Variants in KDM6A observed in about 807,000 individuals in gnomAD.
The protein encoded by KDM6A is lysine-specific demethylase 6A.
In KDM6A, 11 loss-of-function variants were observed where a neutral mutation model predicts 117.6. The observed-to-expected ratio is 0.09, with a 90% CI of 0.06 to 0.15. The LOEUF (loss-of-function observed/expected upper bound fraction) is 0.15. KDM6A is among the 10% of genes least tolerant of loss of function. The pLI is 1.00. For missense variants in KDM6A, 799 were observed against 1,077.3 expected, an observed-to-expected ratio of 0.74 and a Z score of 3.62; for synonymous variants, 384 against 396.1, an observed-to-expected ratio of 0.97 and a Z score of 0.36.
chrX:45,083,311 TA>T, intron 23 of KDM6A, 148 bp from the exon 24 acceptor site: 1 of 501,848 alleles, frequency 2.0e-6, no homozygotes, highest in Non-Finnish European at 3.2e-6. Flanking sequence ...TGGAAAAAAT[TA>T]AAAATTTAAG....
intron 7 of KDM6A, among the ~76,000 whole-genome samples, 170 bp downstream of exon 7, chrX:45,035,155 T>C (rs1297834590): frequency 8.9e-6 from 1 of 112,287 alleles, no homozygotes; most frequent in Non-Finnish European, 1.9e-5. Context: ...AGACCAGATA[T>C]TGTGAACAGC....
Position 44,965,714 on chromosome X carries a change from GATAACAA to G in KDM6A, c.334+4323_334+4329del, listed in dbSNP as rs2038973243. 2.7e-5 allele frequency among the ~76,000 whole-genome samples: 3 copies of G among 111,782 alleles called. No homozygotes were observed. In the South Asian group the frequency reaches 1.1e-3, roughly 42 times the overall value. On this transcript the variant is annotated intron_variant, in intron 3 of 29. Coordinates refer to ENST00000611820, the MANE Select transcript of KDM6A (RefSeq NM_001291415.2). Reference sequence around the variant, plus strand: ...TCGGTGATCACAGGTCATCATAACAGATAACAATAATAATGAAAATGTATGGAATATT... The same window carrying G: ...TCGGTGATCACAGGTCATCATAACAGTAATAATGAAAATGTATGGAATATT...
At chrX:45,029,205 C>T (rs955632894) in intron 6 of KDM6A, among the ~76,000 whole-genome samples, 4 of 111,087 alleles carry the variant, frequency 3.6e-5, no homozygotes, top group Admixed American at 9.7e-5. Context: ...GAGGCTGAGG[C>T]GGGTGGATTG....
At chrX:44,937,111 A>G (rs765327981) in intron 2 of KDM6A, among the ~76,000 whole-genome samples, 17 of 110,187 alleles carry the variant, frequency 1.5e-4, no homozygotes, top group South Asian at 3.9e-4. Context: ...TTGATGATAC[A>G]TTGACCCTTT....
At chrX:44,896,941 A>G (rs1473644414) in intron 2 of KDM6A, among the ~76,000 whole-genome samples, 1 of 109,480 alleles carries the variant, frequency 9.1e-6, no homozygotes, top group Non-Finnish European at 1.9e-5. Context: ...TTTAATTGTG[A>G]TGTATTGGTG....
In KDM6A at chrX:45,011,854, C is replaced by T. The variant is rs1043624081; in HGVS notation, c.443+835C>T. 3.7e-5 allele frequency among the ~76,000 whole-genome samples: 4 copies of T among 108,775 alleles called. No individual in the cohort carries two copies. The Admixed American group carries it at 3.9e-4, about 11-fold the overall frequency. 94.5% of individuals were successfully genotyped at this position (108,775 alleles called of 115,157 possible). On this transcript the variant is annotated intron_variant, in intron 5 of 29. Coordinates refer to ENST00000611820, the MANE Select transcript of KDM6A (RefSeq NM_001291415.2). ...AGGCTGGAGTGCAGTGGCGAGATTG[C>T]AGCTTACTGCAGTCTCAATCTATTG... is the stretch of plus-strand genomic sequence containing the variant.
chrX:44,966,766 G>C (rs1430261948), intron 3 of KDM6A, among the ~76,000 whole-genome samples: 1 of 110,440 alleles, frequency 9.1e-6, no homozygotes, highest in Non-Finnish European at 1.9e-5. Flanking sequence ...ATTTCAAGCT[G>C]GTGGTTTCTA....
Position 45,063,634 on chromosome X carries a change from C to T in KDM6A, c.1896C>T (p.Ser632=), listed in dbSNP as rs2147995249. 8.3e-7 allele frequency: 1 copy of T among 1,210,416 alleles called. No individual in the cohort carries two copies. The highest frequency in any genetic ancestry group is 1.1e-6 in the Non-Finnish European group (1 of 894,475). ...GPFSAGHVPC[S]TSRTLGSTDT... is the part of the protein sequence containing the mutation. ...TTTCTGCAGGCCATGTTCCCTGTAG[C>T]ACATCAAGAACGCTGGGAAGTACAG... The change falls in exon 17 of 30, where the codon AGC becomes AGT. Residue 632 remains serine, a synonymous_variant. Transcript: ENST00000611820.
At chrX:44,978,735 T>C (rs2039740069) in intron 4 of KDM6A, among the ~76,000 whole-genome samples, 1 of 112,250 alleles carries the variant, frequency 8.9e-6, no homozygotes, top group Admixed American at 9.5e-5. Context: ...CCCAAAGTGT[T>C]CCCTTGTGCC....
chrX:44,997,851 G>A lies in KDM6A; in HGVS notation c.385-13110G>A, dbSNP rs191407998. Among the ~76,000 whole-genome samples, 764 of 112,211 alleles carry A rather than the reference G, an allele frequency of 6.8e-3. 3 individuals carry two copies. Among genetic ancestry groups the A allele is most frequent in the Middle Eastern group, 0.046 (10 of 219 alleles). On this transcript the variant is annotated intron_variant, in intron 4 of 29. Transcript: ENST00000611820. ...CGATTAAGGAGTGAGTTGAGGGAAA[G>A]ATGGCAATGGCTTTTTTAAGGCAGA...
chrX:45,046,803 A>C (rs964756859), intron 8 of KDM6A, among the ~76,000 whole-genome samples: 5 of 111,855 alleles, frequency 4.5e-5, no homozygotes, highest in Non-Finnish European at 9.4e-5. Flanking sequence ...GAATAGACAA[A>C]TTAGTGAAAT....
intron 2 of KDM6A, among the ~76,000 whole-genome samples, chrX:44,897,732 C>G (rs2034011279): frequency 9.0e-6 from 1 of 110,714 alleles, no homozygotes; most frequent in African/African-American, 3.3e-5. Flanking sequence ...CCATGCCTGG[C>G]TAATTTTGTT....
chrX:44,877,632 C>A (rs1297653772), intron 2 of KDM6A, among the ~76,000 whole-genome samples: 1 of 108,231 alleles, frequency 9.2e-6, no homozygotes, highest in Admixed American at 1.0e-4. Flanking sequence ...GTAGTACTAC[C>A]AAGTATAGTT....
At chrX:44,905,016 C>T (rs1006298721) in intron 2 of KDM6A, among the ~76,000 whole-genome samples, 1 of 112,210 alleles carries the variant, frequency 8.9e-6, no homozygotes. Flanking sequence ...GCTGATGTCA[C>T]GCTTCATTTC....
At chrX:45,044,865 G>A (rs1394918645) in intron 8 of KDM6A, among the ~76,000 whole-genome samples, 1 of 111,158 alleles carries the variant, frequency 9.0e-6, no homozygotes, top group Non-Finnish European at 1.9e-5. Flanking sequence ...ACACTTTTCT[G>A]TCAAGCATTA....
At chrX:44,989,890 A>G (rs1484611592) in intron 4 of KDM6A, among the ~76,000 whole-genome samples, 2 of 111,829 alleles carry the variant, frequency 1.8e-5, no homozygotes, top group Non-Finnish European at 3.8e-5. Flanking sequence ...AATAGTAAAT[A>G]TTTTAGGTTT....
chrX:45,003,285 AGTTC>A (rs1205440100), intron 4 of KDM6A, among the ~76,000 whole-genome samples: 2 of 109,943 alleles, frequency 1.8e-5, no homozygotes, highest in Admixed American at 1.9e-4. Context: ...TCCTGAAGGG[AGTTC>A]CTCCTAGGTC....
At chrX:44,979,874 G>A (rs2039801522) in intron 4 of KDM6A, among the ~76,000 whole-genome samples, 1 of 111,033 alleles carries the variant, frequency 9.0e-6, no homozygotes, top group Non-Finnish European at 1.9e-5. Context: ...TCTGTTTCTA[G>A]ATTCTCTGTT....
At chrX:44,986,809 C>T (rs2040252422) in intron 4 of KDM6A, among the ~76,000 whole-genome samples, 1 of 111,809 alleles carries the variant, frequency 8.9e-6, no homozygotes, top group South Asian at 3.7e-4. Flanking sequence ...TTTACATTTG[C>T]TGAGGATTGC....
Sources: allele counts gnomAD v4.1 joint callset (sites outside exome capture counted in the v4.1 genomes callset), GRCh38; gene constraint gnomAD v4.1.1; transcripts MANE v1.5; gene names NCBI Gene and HGNC (gene_info 2026-07-23, HGNC 2026-07-21).